The following PPHLN1 variants were observed in gnomAD, a reference collection of about 807,000 sequenced individuals.
PPHLN1 encodes the protein periphilin-1.
In PPHLN1, 29 loss-of-function variants were observed where a neutral mutation model predicts 51.3. The observed-to-expected ratio is 0.57, with a 90% CI of 0.42 to 0.77. The LOEUF (loss-of-function observed/expected upper bound fraction) is 0.77. Among genes scored for constraint, PPHLN1 ranks in the 30% least tolerant of loss-of-function variants. PPHLN1 has a pLI of 0.00. For synonymous variants in PPHLN1, 147 were observed against 147.8 expected (o/e 0.99, Z 0.04); for missense variants, 436 against 438.4 (o/e 0.99, Z 0.05).
At chr12:42,400,798 TCACACACACA>T (rs67724902) in intron 9 of PPHLN1, among the ~76,000 whole-genome samples, 184 of 142,630 alleles carry the variant, frequency 1.3e-3, no homozygotes, top group African/African-American at 4.6e-3. Flanking sequence ...TCTCTCTCTT[TCACACACACA>T]CACACACACA....
chr12:42,418,237 T>TTA (rs1555216928), intron 9 of PPHLN1, among the ~76,000 whole-genome samples: 7,128 of 115,632 alleles, frequency 0.062, 294 homozygotes, highest in East Asian at 0.13. Flanking sequence ...TTTTTTTTTT[T>TTA]AATCAACGCA....
chr12:42,329,629 G>C (rs1011892433), intron 1 of PPHLN1, among the ~76,000 whole-genome samples: 10 of 152,184 alleles, frequency 6.6e-5, no homozygotes, highest in Non-Finnish European at 1.5e-4. Flanking sequence ...AATATTACTA[G>C]TGAGGGACTA....
At chr12:42,328,626 A>C (rs1295452209) in intron 1 of PPHLN1, among the ~76,000 whole-genome samples, 6 of 152,394 alleles carry the variant, frequency 3.9e-5, no homozygotes, top group Admixed American at 3.3e-4. Flanking sequence ...AGTTTAGTGC[A>C]GTACATTCGG....
rs1386543226 is a variant in PPHLN1 at position 42,387,531 on chromosome 12, C to T, written c.644C>T (p.Ser215Leu). ...TCAAGTGGTTCAGCAGTTTCTTCAT[C>T]AAAGGTTTGTTATATTTCTAAAATC... ...SPSSGSAVSS[S>L]KVLDKPSRLT... The change falls in exon 7 of 10, where the codon TCA becomes TTA. Residue 215 changes from serine (S) to leucine (L), a missense_variant. By Grantham distance (145) the Ser-to-Leu change is moderately radical. Coordinates refer to ENST00000358314, the MANE Select transcript of PPHLN1 (RefSeq NM_201439.2). 19 of 1,611,274 alleles carry T rather than the reference C, an allele frequency of 1.2e-5. No individual in the cohort carries two copies. Among genetic ancestry groups the T allele is most frequent in the Non-Finnish European group, 1.4e-5 (17 of 1,179,124 alleles).
intron 5 of PPHLN1, among the ~76,000 whole-genome samples, chr12:42,384,250 A>G (rs1454610055): frequency 6.8e-6 from 1 of 146,228 alleles, no homozygotes; most frequent in South Asian, 2.1e-4. Flanking sequence ...TTCTCAGAGA[A>G]AAAAAAAAAG....
In PPHLN1 at chr12:42,441,775, C is replaced by A; in HGVS notation, c.*266C>A. 1 of 1,115,336 alleles carries A rather than the reference C, an allele frequency of 9.0e-7. No homozygotes were observed. The highest frequency in any genetic ancestry group is 1.1e-6 in the Non-Finnish European group (1 of 904,438). 69.1% of individuals were successfully genotyped at this position (1,115,336 alleles called of 1,614,324 possible). ...CCTCAAGTGATCTGCCTGCCTCAGC[C>A]TCTCAAAGTGTTGAGATTACAGGCG... On this transcript the variant is annotated 3_prime_UTR_variant, in exon 10 of 10. Coordinates refer to ENST00000358314, the MANE Select transcript of PPHLN1 (RefSeq NM_201439.2).
At chr12:42,384,854 C>A in intron 5 of PPHLN1, 86 bp from the exon 6 acceptor site, 2 of 1,323,094 alleles carry the variant, frequency 1.5e-6, no homozygotes, top group South Asian at 1.2e-5. Context: ...CCCCTGTTCT[C>A]ATCACTCCTA....
intron 2 of PPHLN1, among the ~76,000 whole-genome samples, chr12:42,349,324 T>G (rs1400672910): frequency 6.6e-6 from 1 of 152,264 alleles, no homozygotes. Flanking sequence ...GGTGTTAGTA[T>G]TAATTTCATT....
chr12:42,377,448 A>T (rs531995294), intron 5 of PPHLN1, among the ~76,000 whole-genome samples: 3 of 151,834 alleles, frequency 2.0e-5, no homozygotes, highest in South Asian at 2.1e-4. Flanking sequence ...TGGGATTACA[A>T]GTGTGCACCA....
chr12:42,418,187 G>T (rs1310343145), intron 9 of PPHLN1, among the ~76,000 whole-genome samples: 2 of 138,336 alleles, frequency 1.4e-5, no homozygotes, highest in African/African-American at 2.7e-5. Flanking sequence ...GATCTGCCCC[G>T]CCTCGACCAC....
At chr12:42,380,532 G>T (rs2076668392) in intron 5 of PPHLN1, among the ~76,000 whole-genome samples, 1 of 152,062 alleles carries the variant, frequency 6.6e-6, no homozygotes, top group Non-Finnish European at 1.5e-5. Context: ...ATTTTTGAAT[G>T]TCAATCTAAT....
chr12:42,444,272 C>T (rs540295168), downstream of PPHLN1: 13 of 151,630 alleles, frequency 8.6e-5, no homozygotes, highest in East Asian at 9.7e-4. Context: ...AATTGCTAGG[C>T]GATATTAACT....
intron 2 of PPHLN1, among the ~76,000 whole-genome samples, chr12:42,340,983 C>CTTTTTTTT (rs552090682): frequency 1.5e-5 from 2 of 131,094 alleles, no homozygotes; most frequent in East Asian, 2.1e-4. Context: ...TTCTTTCTTT[C>CTTTTTTTT]TTTTTTTTTT....
chr12:42,349,800 T>C (rs993737321), intron 2 of PPHLN1, among the ~76,000 whole-genome samples: 1 of 152,208 alleles, frequency 6.6e-6, no homozygotes, highest in Non-Finnish European at 1.5e-5. Flanking sequence ...CTCCTACGTC[T>C]ACTTCTTTCT....
chr12:42,429,743 C>T (rs1042208167), intron 9 of PPHLN1, among the ~76,000 whole-genome samples: 1 of 152,206 alleles, frequency 6.6e-6, no homozygotes, highest in African/African-American at 2.4e-5. Context: ...ATCTGTCATT[C>T]ACACTCATGT....
At chr12:42,430,873 CAACTG>C (rs1164112730) in intron 9 of PPHLN1, among the ~76,000 whole-genome samples, 1 of 152,088 alleles carries the variant, frequency 6.6e-6, no homozygotes, top group Admixed American at 6.5e-5. Context: ...GCACATCAAA[CAACTG>C]AAATTAAACA....
chr12:42,426,728 A>G (rs1021075332), intron 9 of PPHLN1, among the ~76,000 whole-genome samples: 3 of 152,178 alleles, frequency 2.0e-5, no homozygotes, highest in African/African-American at 4.8e-5. Context: ...ATTCCTCCCC[A>G]TTCTCCAAAA....
intron 9 of PPHLN1, among the ~76,000 whole-genome samples, chr12:42,404,750 C>G (rs1424404610): frequency 6.6e-6 from 1 of 152,104 alleles, no homozygotes; most frequent in Non-Finnish European, 1.5e-5. Flanking sequence ...TGTTTTGCAG[C>G]CGGGTATGGT....
At chr12:42,357,657 A>C (rs746819955) in intron 4 of PPHLN1, among the ~76,000 whole-genome samples, 5 of 152,212 alleles carry the variant, frequency 3.3e-5, no homozygotes, top group African/African-American at 4.8e-5. Flanking sequence ...TAGATCAGCT[A>C]GTGGCTTATC....
Sources: allele counts gnomAD v4.1 joint callset (sites outside exome capture counted in the v4.1 genomes callset), GRCh38; gene constraint gnomAD v4.1.1; transcripts MANE v1.5; gene names NCBI Gene and HGNC (gene_info 2026-07-23, HGNC 2026-07-21).